Variants in CMIP observed in about 807,000 individuals in gnomAD.
CMIP encodes the protein C-Maf-inducing protein.
A neutral mutation model predicts 97.3 loss-of-function variants in CMIP; 13 were observed. The observed-to-expected ratio is 0.13, with a 90% CI of 0.09 to 0.21. The LOEUF is 0.21. Ranked by LOEUF, CMIP falls within the 10% of genes least tolerant of loss-of-function variation. The pLI is 1.00. For missense variants in CMIP, 847 were observed against 1,024.9 expected (o/e 0.83, Z 2.37); for synonymous variants, 538 against 436.3 (o/e 1.23, Z -2.91).
chr16:81,572,535 G>T (rs1288670396), intron 1 of CMIP, among the ~76,000 whole-genome samples: 1 of 152,224 alleles, frequency 6.6e-6, no homozygotes, highest in Non-Finnish European at 1.5e-5. Context: ...TGCTCTGTTA[G>T]TTCTTTGTTT....
At chr16:81,663,326 C>T (rs1355156971) in intron 6 of CMIP, among the ~76,000 whole-genome samples, 1 of 150,890 alleles carries the variant, frequency 6.6e-6, no homozygotes, top group Admixed American at 6.6e-5. Flanking sequence ...TAGCAGACCA[C>T]GAAGAGAAAG....
chr16:81,486,759 A>G (rs373360366), intron 1 of CMIP, among the ~76,000 whole-genome samples: 3 of 152,264 alleles, frequency 2.0e-5, no homozygotes, highest in East Asian at 1.9e-4. Context: ...GCACTGTTGC[A>G]GATGTCCTGG....
chr16:81,574,299 C>G (rs2091150489), intron 1 of CMIP, among the ~76,000 whole-genome samples: 1 of 135,712 alleles, frequency 7.4e-6, no homozygotes. Context: ...GGCCACCCTG[C>G]CACCTCTCAG....
chr16:81,579,107 G>A (rs769758974), intron 1 of CMIP, among the ~76,000 whole-genome samples: 2 of 152,168 alleles, frequency 1.3e-5, no homozygotes, highest in Admixed American at 6.5e-5. Flanking sequence ...AAGCACCCTC[G>A]CCTCTCTGTG....
At chr16:81,567,584 A>C (rs1489650940) in intron 1 of CMIP, among the ~76,000 whole-genome samples, 2 of 152,178 alleles carry the variant, frequency 1.3e-5, no homozygotes, top group Non-Finnish European at 2.9e-5. Flanking sequence ...TGTGAGGATC[A>C]CCCAAGAGAC....
chr16:81,555,110 C>T (rs1035544383), intron 1 of CMIP, among the ~76,000 whole-genome samples: 5 of 152,204 alleles, frequency 3.3e-5, no homozygotes, highest in South Asian at 4.1e-4. Context: ...GGCCTCATCT[C>T]GGGTCTGCAG....
At chr16:81,674,912 T>G (rs1340406381) in intron 9 of CMIP, among the ~76,000 whole-genome samples, 2 of 151,882 alleles carry the variant, frequency 1.3e-5, no homozygotes, top group South Asian at 2.1e-4. Flanking sequence ...CTTTGGAGAG[T>G]TGGTTGTTAG....
intron 1 of CMIP, among the ~76,000 whole-genome samples, chr16:81,548,237 G>A (rs1013590648): frequency 6.6e-6 from 1 of 150,490 alleles, no homozygotes; most frequent in African/African-American, 2.5e-5. Context: ...GGGCTCAAGC[G>A]ATTCTCCTCC....
intron 1 of CMIP, among the ~76,000 whole-genome samples, chr16:81,512,297 G>A (rs769417933): frequency 2.4e-4 from 37 of 152,064 alleles, no homozygotes; most frequent in Non-Finnish European, 4.3e-4. Context: ...TCATGCCTTG[G>A]TGGGGGTCTT....
At chr16:81,483,721 G>C (rs552900250) in intron 1 of CMIP, among the ~76,000 whole-genome samples, 22 of 152,126 alleles carry the variant, frequency 1.4e-4, no homozygotes, top group Non-Finnish European at 2.2e-4. Context: ...GACCTTTCTC[G>C]GCCATCCCCT....
intron 1 of CMIP, among the ~76,000 whole-genome samples, chr16:81,457,049 CAGTG>C (rs1224135969): frequency 6.6e-6 from 1 of 152,166 alleles, no homozygotes; most frequent in African/African-American, 2.4e-5. Flanking sequence ...GACTGGATCA[CAGTG>C]AGCACGAAGT....
intron 3 of CMIP, chr16:81,645,919 A>G (rs2092359402): frequency 8.9e-6 from 4 of 448,426 alleles, no homozygotes; most frequent in East Asian, 4.0e-5. Context: ...AACTGGTGCA[A>G]GTAATAGACT....
chr16:81,480,885 T>G (rs1908220688), intron 1 of CMIP, among the ~76,000 whole-genome samples: 1 of 152,172 alleles, frequency 6.6e-6, no homozygotes, highest in Non-Finnish European at 1.5e-5. Flanking sequence ...GGACCTCAGC[T>G]GAAGCAGAGT....
intron 20 of CMIP, among the ~76,000 whole-genome samples, chr16:81,707,909 G>GAAGCTACTT (rs1908329278): frequency 6.6e-6 from 1 of 152,262 alleles, no homozygotes; most frequent in Non-Finnish European, 1.5e-5. Flanking sequence ...TCGTGCTCTG[G>GAAGCTACTT]AAGCTACTTA....
rs143774008 is a variant in CMIP at position 81,707,516 on chromosome 16, A to G, written c.2268+432A>G. 1.4e-3 allele frequency among the ~76,000 whole-genome samples: 212 copies of G among 152,366 alleles called. 1 individual carries two copies. The highest frequency in any genetic ancestry group is 2.4e-3 in the Non-Finnish European group (163 of 68,038). On this transcript the variant is annotated intron_variant, in intron 20 of 20. Coordinates refer to ENST00000537098, the MANE Select transcript of CMIP (RefSeq NM_198390.3). ...ACAGGTCACAGCAGAGCAGCGAGTC[A>G]TGCTTTTCAAAGCATGCTCTGGCTG...
At chr16:81,637,902 C>T (rs891185183) in intron 3 of CMIP, among the ~76,000 whole-genome samples, 4 of 152,124 alleles carry the variant, frequency 2.6e-5, no homozygotes, top group Non-Finnish European at 5.9e-5. Context: ...GGTGCCTTCT[C>T]GCTGTGTCTC....
intron 1 of CMIP, among the ~76,000 whole-genome samples, chr16:81,462,515 A>G (rs1009552847): frequency 6.6e-6 from 1 of 151,154 alleles, no homozygotes. Flanking sequence ...AAAAAAAAAA[A>G]TGTTTCATTA....
At chr16:81,700,184 T>G (rs1300152662) in intron 15 of CMIP, among the ~76,000 whole-genome samples, 1 of 152,110 alleles carries the variant, frequency 6.6e-6, no homozygotes, top group Admixed American at 6.5e-5. Context: ...GGGGCCAGGT[T>G]GGGTTAGCCC....
chr16:81,686,048 T>C (rs1412047044), intron 10 of CMIP, among the ~76,000 whole-genome samples: 4 of 152,218 alleles, frequency 2.6e-5, no homozygotes, highest in African/African-American at 9.6e-5. Flanking sequence ...TGTCTCCATT[T>C]TCCTGCCTAT....
Sources: gnomAD v4.1 joint callset for allele counts (sites outside exome capture counted in the v4.1 genomes callset) on GRCh38, gnomAD v4.1.1 for gene constraint, MANE v1.5 for transcripts, NCBI Gene and HGNC (gene_info 2026-07-23, HGNC 2026-07-21) for gene names.